MAF: variants seen among roughly 807,000 people sequenced by gnomAD.
The protein encoded by MAF is transcription factor Maf.
Under a neutral mutation model 22.0 loss-of-function variants are expected in MAF, and 10 were observed. That is an observed-to-expected ratio of 0.45 (90% CI 0.28 to 0.77). MAF has a LOEUF of 0.77. Ranked by LOEUF, MAF falls within the 30% of genes least tolerant of loss-of-function variation. MAF has a pLI of 0.12. For synonymous variants in MAF, 337 were observed against 255.8 expected, an observed-to-expected ratio of 1.32 and a Z score of -3.03; for missense variants, 544 against 548.4, an observed-to-expected ratio of 0.99 and a Z score of 0.08.
chr16:79,205,070 A>C, the MAF span: 2 of 152,212 alleles, frequency 1.3e-5, no homozygotes, highest in African/African-American at 4.8e-5. Flanking sequence ...GCTGCACCGT[A>C]AACAGGAAAG....
chr16:79,329,819 C>G, the MAF span, among the ~76,000 whole-genome samples: 5 of 152,080 alleles, frequency 3.3e-5, no homozygotes, highest in Admixed American at 3.3e-4. Context: ...AAAACAAATT[C>G]AAAACAAATT....
the MAF span, among the ~76,000 whole-genome samples, chr16:79,429,505 A>G: frequency 6.6e-6 from 1 of 152,104 alleles, no homozygotes; most frequent in South Asian, 2.1e-4. Context: ...TTTAATTAGG[A>G]CTGCAGTCAT....
chr16:79,400,064 G>A, the MAF span, among the ~76,000 whole-genome samples: 60 of 152,310 alleles, frequency 3.9e-4, no homozygotes, highest in African/African-American at 1.3e-3. Flanking sequence ...TTTGCCTCCA[G>A]GGGAGAGTTG....
the MAF span, among the ~76,000 whole-genome samples, chr16:79,355,731 T>C: frequency 6.6e-6 from 1 of 152,134 alleles, no homozygotes; most frequent in African/African-American, 2.4e-5. Context: ...GCAATCCGTG[T>C]TGAACTTTTG....
chr16:79,251,618 T>C, the MAF span, among the ~76,000 whole-genome samples: 1 of 152,156 alleles, frequency 6.6e-6, no homozygotes, highest in African/African-American at 2.4e-5. Flanking sequence ...TAAGTCTTCA[T>C]CTTTTAGGGA....
chr16:79,346,517 T>C, the MAF span, among the ~76,000 whole-genome samples: 2 of 152,336 alleles, frequency 1.3e-5, no homozygotes, highest in South Asian at 4.1e-4. Context: ...AAAAAAACCT[T>C]TCTCTTTCAC....
downstream of MAF, among the ~76,000 whole-genome samples, chr16:79,589,295 C>T (rs1000283054): frequency 2.6e-5 from 4 of 152,142 alleles, no homozygotes; most frequent in Admixed American, 2.6e-4. Flanking sequence ...AGGCAGGACC[C>T]TCATCCTGGC....
chr16:79,578,386 C>T, the MAF span, among the ~76,000 whole-genome samples: 5 of 152,098 alleles, frequency 3.3e-5, no homozygotes, highest in African/African-American at 1.2e-4. Context: ...GCCCAGGACT[C>T]AGGTGCATGC....
chr16:79,299,664 A>T, the MAF span, among the ~76,000 whole-genome samples: 2 of 152,070 alleles, frequency 1.3e-5, no homozygotes, highest in African/African-American at 4.8e-5. Flanking sequence ...AGCGTCCTGC[A>T]CAGTGACATG....
At chr16:79,367,134 C>A in the MAF span, among the ~76,000 whole-genome samples, 3,306 of 152,206 alleles carry the variant, frequency 0.022, 127 homozygotes, top group African/African-American at 0.077. Flanking sequence ...GCCATATACA[C>A]ACGGAAATCT....
the MAF span, among the ~76,000 whole-genome samples, chr16:79,416,077 G>A: frequency 6.6e-6 from 1 of 152,148 alleles, no homozygotes; most frequent in Non-Finnish European, 1.5e-5. Flanking sequence ...CACTGACAGA[G>A]GGGATGTGCC....
At chr16:79,577,715 T>A in the MAF span, among the ~76,000 whole-genome samples, 1 of 152,198 alleles carries the variant, frequency 6.6e-6, no homozygotes, top group South Asian at 2.1e-4. Flanking sequence ...ATTTTTAAAA[T>A]CTGACTTTCA....
chr16:79,221,721 G>A, the MAF span, among the ~76,000 whole-genome samples: 2 of 152,018 alleles, frequency 1.3e-5, no homozygotes, highest in Admixed American at 6.6e-5. Context: ...GTGTATGTGT[G>A]TGTGTGCACG....
the MAF span, among the ~76,000 whole-genome samples, chr16:79,480,475 G>A: frequency 0.043 from 6,581 of 152,092 alleles, 448 homozygotes; most frequent in African/African-American, 0.15. Flanking sequence ...CTTCCTCTAA[G>A]CCACAGCTCA....
chr16:79,260,375 A>G, the MAF span, among the ~76,000 whole-genome samples: 1 of 152,058 alleles, frequency 6.6e-6, no homozygotes, highest in Admixed American at 6.6e-5. Context: ...TGGTCTTGAA[A>G]TCCTGGGATC....
the MAF span, among the ~76,000 whole-genome samples, chr16:79,541,654 T>A: frequency 6.6e-6 from 1 of 150,588 alleles, no homozygotes; most frequent in Non-Finnish European, 1.5e-5. Flanking sequence ...GCTACTAGGG[T>A]TTTTTTAGTT....
chr16:79,289,927 G>C, the MAF span, among the ~76,000 whole-genome samples: 1 of 148,324 alleles, frequency 6.7e-6, no homozygotes, highest in African/African-American at 2.5e-5. Context: ...TGCAGTCTCA[G>C]CTCACTGCAA....
chr16:79,542,494 C>A, the MAF span, among the ~76,000 whole-genome samples: 1 of 152,126 alleles, frequency 6.6e-6, no homozygotes, highest in Non-Finnish European at 1.5e-5. Context: ...AATCACACTA[C>A]CCCCAGCCAC....
chr16:79,485,784 A>G, the MAF span, among the ~76,000 whole-genome samples: 1 of 152,200 alleles, frequency 6.6e-6, no homozygotes, highest in African/African-American at 2.4e-5. Context: ...AAAGCAGCAC[A>G]CAGACTCGGT....
Sources: allele counts gnomAD v4.1 joint callset (sites outside exome capture counted in the v4.1 genomes callset), GRCh38; gene constraint gnomAD v4.1.1; transcripts MANE v1.5; gene names NCBI Gene and HGNC (gene_info 2026-07-23, HGNC 2026-07-21).